Variants in MYLK observed in about 807,000 individuals in gnomAD.
MYLK encodes the protein myosin light chain kinase, smooth muscle.
MYLK carries 106 observed loss-of-function variants against 203.4 expected under a neutral mutation model. That is an observed-to-expected ratio of 0.52 (90% confidence interval 0.45 to 0.61). The LOEUF (loss-of-function observed/expected upper bound fraction) is 0.61. Ranked by LOEUF, MYLK falls within the 20% of genes least tolerant of loss-of-function variation. The probability of loss-of-function intolerance (pLI) is 0.00; values close to 1 mark genes in which losing one functional copy is unlikely to be tolerated. For missense variants in MYLK, 2,072 were observed against 2,442.3 expected, an observed-to-expected ratio of 0.85 and a Z score of 3.20; for synonymous variants, 867 against 959.5, an observed-to-expected ratio of 0.90 and a Z score of 1.78.
intron 24 of MYLK, among the ~76,000 whole-genome samples, chr3:123,651,024 G>T (rs368576645): frequency 6.6e-6 from 1 of 152,184 alleles, no homozygotes; most frequent in Admixed American, 6.5e-5. Flanking sequence ...TGGAGCTCTG[G>T]CTGTCGGCAG....
intron 2 of MYLK, among the ~76,000 whole-genome samples, chr3:123,839,919 G>T (rs968388011): frequency 6.6e-6 from 1 of 152,084 alleles, no homozygotes; most frequent in African/African-American, 2.4e-5. Context: ...TAAAATGCTT[G>T]CAGATTAAAC....
intron 2 of MYLK, among the ~76,000 whole-genome samples, chr3:123,874,339 C>T (rs952930782): frequency 1.3e-5 from 2 of 152,128 alleles, no homozygotes; most frequent in African/African-American, 4.8e-5. Context: ...ATAGACCACA[C>T]ATACATGCTC....
At chr3:123,663,088 G>C (rs796644559) in intron 23 of MYLK, among the ~76,000 whole-genome samples, 1 of 152,148 alleles carries the variant, frequency 6.6e-6, no homozygotes, top group Non-Finnish European at 1.5e-5. Flanking sequence ...CTCTCTCTCT[G>C]TCTGCTCCTC....
intron 5 of MYLK, among the ~76,000 whole-genome samples, chr3:123,742,761 C>T (rs889526548): frequency 6.6e-6 from 1 of 152,146 alleles, no homozygotes; most frequent in East Asian, 1.9e-4. Flanking sequence ...AAATGTGGTG[C>T]ATCCATACAA....
intron 3 of MYLK, among the ~76,000 whole-genome samples, chr3:123,829,230 G>A (rs1386529324): frequency 6.6e-6 from 1 of 152,078 alleles, no homozygotes; most frequent in African/African-American, 2.4e-5. Context: ...ATAAAATGTT[G>A]TATAGATACA....
chr3:123,647,248 G>A lies in MYLK; in HGVS notation c.4595C>T (p.Ala1532Val). ...CATCTCCAGGACCATGACGATGTTG[G>A]CCTTTTCTTCAAAGGCATCCACACA... is the stretch of plus-strand genomic sequence containing the variant. ...VQCVDAFEEK[A>V]NIVMVLEIVS... The change falls in exon 27 of 34, where the codon GCC becomes GTC. Residue 1532 changes from alanine to valine, a missense_variant. Physicochemically the swap from Ala to Val is moderately conservative, Grantham distance 64. This residue lies in a region of MYLK where 524 missense variants were observed against 782.4 expected (regional missense o/e 0.67). Coordinates refer to ENST00000360304, the MANE Select transcript of MYLK (RefSeq NM_053025.4). 6.2e-7 allele frequency: 1 copy of A among 1,614,202 alleles called. No individual in the cohort carries two copies. Among genetic ancestry groups the A allele is most frequent in the South Asian group, 1.1e-5 (1 of 91,084 alleles).
chr3:123,724,023 C>T (rs1306544540), intron 12 of MYLK, among the ~76,000 whole-genome samples: 1 of 151,912 alleles, frequency 6.6e-6, no homozygotes, highest in Admixed American at 6.6e-5. Context: ...CGTTCTTTCA[C>T]TTATTGTCTA....
intron 29 of MYLK, among the ~76,000 whole-genome samples, chr3:123,631,953 T>C (rs984312053): frequency 2.0e-5 from 3 of 151,624 alleles, no homozygotes; most frequent in Admixed American, 6.6e-5. Flanking sequence ...CACTGCAAGC[T>C]CTGCCCCCTG....
chr3:123,853,449 A>T (rs917356795), intron 2 of MYLK, among the ~76,000 whole-genome samples: 3 of 152,144 alleles, frequency 2.0e-5, no homozygotes, highest in Admixed American at 1.3e-4. Flanking sequence ...GAGCAGAAGC[A>T]ATGGTCCTAG....
chr3:123,723,344 A>G (rs2062160636), intron 12 of MYLK, among the ~76,000 whole-genome samples: 1 of 152,222 alleles, frequency 6.6e-6, no homozygotes, highest in Admixed American at 6.5e-5. Flanking sequence ...AGAGGGGAAG[A>G]TTCCTCTCAA....
chr3:123,849,782 T>C (rs955464307), intron 2 of MYLK, among the ~76,000 whole-genome samples: 23 of 152,184 alleles, frequency 1.5e-4, no homozygotes. Context: ...CTAGGGTACA[T>C]GTGCACAACG....
At chr3:123,645,713 A>C (rs2058994136) in intron 27 of MYLK, among the ~76,000 whole-genome samples, 1 of 152,228 alleles carries the variant, frequency 6.6e-6, no homozygotes, top group Non-Finnish European at 1.5e-5. Flanking sequence ...AAAAGGCTGG[A>C]AACCACTCAA....
chr3:123,611,858 A>G lies in MYLK; in HGVS notation c.*2247T>C, dbSNP rs1331848116. 2 of 152,462 alleles carry G rather than the reference A, an allele frequency of 1.3e-5. No individual in the cohort carries two copies. Among genetic ancestry groups the G allele is most frequent in the African/African-American group, 2.4e-5 (1 of 41,392 alleles). 9.4% of individuals were successfully genotyped at this position (152,462 alleles called of 1,614,324 possible). ...AGATCCCTCACATGAGCAGTTCACA[A>G]TAGAGTTCGTTCCTGAGAGAACCTG... On this transcript the variant is annotated 3_prime_UTR_variant, in exon 34 of 34. Transcript: ENST00000360304.
chr3:123,767,167 G>A (rs2063732711), intron 4 of MYLK, among the ~76,000 whole-genome samples: 1 of 152,218 alleles, frequency 6.6e-6, no homozygotes, highest in South Asian at 2.1e-4. Context: ...ATTGGCGGGG[G>A]CTGGGGCCCA....
chr3:123,655,954 A>G (rs917933553), intron 24 of MYLK, among the ~76,000 whole-genome samples: 2 of 152,258 alleles, frequency 1.3e-5, no homozygotes, highest in Non-Finnish European at 2.9e-5. Flanking sequence ...TACCCCAGCC[A>G]GGAACTGTAA....
chr3:123,794,008 C>A (rs2064891407), intron 3 of MYLK, 164 bp from the exon 4 acceptor site: 5 of 753,504 alleles, frequency 6.6e-6, no homozygotes, highest in Non-Finnish European at 1.1e-5. Flanking sequence ...ATGAGAGGCT[C>A]TGTCTTTTAT....
intron 2 of MYLK, among the ~76,000 whole-genome samples, chr3:123,859,560 C>T (rs2148684777): frequency 6.6e-6 from 1 of 152,276 alleles, no homozygotes; most frequent in South Asian, 2.1e-4. Context: ...CCATGCATTT[C>T]CAAAAATCTA....
chr3:123,766,625 G>A (rs560483863), intron 4 of MYLK, among the ~76,000 whole-genome samples: 9 of 152,354 alleles, frequency 5.9e-5, no homozygotes, highest in Admixed American at 2.6e-4. Flanking sequence ...AGCCCTGCCC[G>A]CCTTAGGAGG....
intron 25 of MYLK, 23 bp downstream of exon 25, chr3:123,649,139 C>T (rs1369840339): frequency 6.2e-7 from 1 of 1,613,904 alleles, no homozygotes. Flanking sequence ...AGAGCCTGAC[C>T]CGAAGACAGG....
Sources: gnomAD v4.1 joint callset for allele counts (sites outside exome capture counted in the v4.1 genomes callset) on GRCh38, gnomAD v4.1.1 for gene constraint, gnomAD v4.1.1 regional missense constraint, MANE v1.5 for transcripts, NCBI Gene and HGNC (gene_info 2026-07-23, HGNC 2026-07-21) for gene names.